Variants in KCNN3 observed in about 807,000 individuals in gnomAD.
KCNN3 encodes potassium calcium-activated channel subfamily N member 3.
A neutral mutation model predicts 62.9 loss-of-function variants in KCNN3; 16 were observed. The observed-to-expected ratio is 0.25, with a 90% CI of 0.17 to 0.39. KCNN3 has a LOEUF of 0.39. Among genes scored for constraint, KCNN3 ranks in the 10% least tolerant of loss-of-function variants. The pLI is 1.00. For synonymous variants in KCNN3, 370 were observed against 389.2 expected, an observed-to-expected ratio of 0.95 and a Z score of 0.58; for missense variants, 599 against 949.4, an observed-to-expected ratio of 0.63 and a Z score of 4.85.
At chr1:154,739,352 T>C (rs1700779483) in intron 3 of KCNN3, among the ~76,000 whole-genome samples, 1 of 152,214 alleles carries the variant, frequency 6.6e-6, no homozygotes, top group South Asian at 2.1e-4. Context: ...CTCCAACCTG[T>C]GGGATCTACT....
chr1:154,795,758 A>G (rs559273255), intron 2 of KCNN3, among the ~76,000 whole-genome samples: 1 of 152,306 alleles, frequency 6.6e-6, no homozygotes, highest in East Asian at 1.9e-4. Flanking sequence ...CAGCACTTGG[A>G]AGGAGGAGCA....
chr1:154,788,694 C>T (rs1186224788), intron 2 of KCNN3, among the ~76,000 whole-genome samples: 1 of 152,202 alleles, frequency 6.6e-6, no homozygotes, highest in East Asian at 1.9e-4. Context: ...AGCATCCACT[C>T]GCATCACCCC....
chr1:154,793,597 A>C (rs1045559388), intron 2 of KCNN3, among the ~76,000 whole-genome samples: 1 of 152,246 alleles, frequency 6.6e-6, no homozygotes, highest in African/African-American at 2.4e-5. Flanking sequence ...ATTTTTAAAA[A>C]CTCCAACAAA....
intron 2 of KCNN3, among the ~76,000 whole-genome samples, chr1:154,817,591 G>A (rs1459358093): frequency 6.6e-6 from 1 of 152,244 alleles, no homozygotes; most frequent in Non-Finnish European, 1.5e-5. Context: ...CAAACAGCAT[G>A]ATTTGCGCCA....
At chr1:154,825,096 C>G (rs1203072881) in intron 1 of KCNN3, among the ~76,000 whole-genome samples, 1 of 152,210 alleles carries the variant, frequency 6.6e-6, no homozygotes, top group Non-Finnish European at 1.5e-5. Flanking sequence ...TCTTTGCTGC[C>G]TGAACATCAG....
At position 154,870,044 on chromosome 1, in the gene KCNN3, G is replaced by T; in HGVS notation, c.-80C>A. ...CGCTCCAAAGATGTCCTCAAAGAAA[G>T]CCAGGCATCCAATCTCCCCCACCAG... On this transcript the variant is annotated 5_prime_UTR_variant, in exon 1 of 8. Transcript: ENST00000271915. 2.0e-6 allele frequency: 3 copies of T among 1,496,710 alleles called. No homozygotes were observed. Among genetic ancestry groups the T allele is most frequent in the Non-Finnish European group, 2.7e-6 (3 of 1,093,608 alleles). 92.7% of individuals were successfully genotyped at this position (1,496,710 alleles called of 1,614,324 possible).
At chr1:154,726,966 A>C (rs1255903130) in intron 4 of KCNN3, among the ~76,000 whole-genome samples, 1 of 152,222 alleles carries the variant, frequency 6.6e-6, no homozygotes, top group Non-Finnish European at 1.5e-5. Flanking sequence ...GGAAATAAGC[A>C]GGGAATTCCC....
intron 5 of KCNN3, among the ~76,000 whole-genome samples, chr1:154,721,993 G>A (rs1291140697): frequency 2.6e-5 from 4 of 151,886 alleles, no homozygotes; most frequent in South Asian, 2.1e-4. Context: ...TAAGTCATAC[G>A]AGGAAAGAAG....
chr1:154,834,648 A>T (rs1456183972), intron 1 of KCNN3, among the ~76,000 whole-genome samples: 3 of 152,162 alleles, frequency 2.0e-5, no homozygotes, highest in South Asian at 2.1e-4. Context: ...CTTACTGAGT[A>T]CCTGTTATAT....
intron 2 of KCNN3, among the ~76,000 whole-genome samples, chr1:154,819,195 T>C (rs1428061195): frequency 6.6e-6 from 1 of 152,166 alleles, no homozygotes; most frequent in Non-Finnish European, 1.5e-5. Flanking sequence ...CTTCCTCCAC[T>C]CGCAGGAAGC....
At chr1:154,763,462 GAAC>G (rs1478250262) in intron 3 of KCNN3, among the ~76,000 whole-genome samples, 1 of 152,034 alleles carries the variant, frequency 6.6e-6, no homozygotes, top group African/African-American at 2.4e-5. Flanking sequence ...CTACTGGCTC[GAAC>G]TCCTAGGCTC....
chr1:154,732,956 C>T (rs746439588), intron 4 of KCNN3, 47 bp downstream of exon 4: 2 of 1,611,960 alleles, frequency 1.2e-6, no homozygotes, highest in East Asian at 4.5e-5. Flanking sequence ...GAGTTCAGCT[C>T]TTTGCCACAT....
chr1:154,788,385 G>A (rs1457639514), intron 2 of KCNN3, among the ~76,000 whole-genome samples: 1 of 152,224 alleles, frequency 6.6e-6, no homozygotes, highest in Non-Finnish European at 1.5e-5. Context: ...AGGCTCATTA[G>A]CATATTAAAG....
chr1:154,785,495 G>A (rs571279063), intron 2 of KCNN3, among the ~76,000 whole-genome samples: 6 of 152,142 alleles, frequency 3.9e-5, no homozygotes, highest in Admixed American at 2.0e-4. Flanking sequence ...TCCCAGTGGC[G>A]GGGGCAGCAC....
Position 154,715,013 on chromosome 1 carries a change from A to G in KCNN3, c.1702-10T>C. 1 of 1,613,582 alleles carries G rather than the reference A, an allele frequency of 6.2e-7. No individual in the cohort carries two copies. Among genetic ancestry groups the G allele is most frequent in the Non-Finnish European group, 8.5e-7 (1 of 1,179,620 alleles). ...CTGCAGCATTCTTGATCTAAGGAAG[A>G]ATAAATAAAGTAGGCTGCTATCAGG... is the stretch of plus-strand genomic sequence containing the variant. On this transcript the variant is annotated splice_polypyrimidine_tract_variant and intron_variant, in intron 5 of 7. Coordinates refer to ENST00000271915, the MANE Select transcript of KCNN3 (RefSeq NM_002249.6).
chr1:154,759,972 TTCTC>T (rs1491069859), intron 3 of KCNN3, among the ~76,000 whole-genome samples: 1 of 149,624 alleles, frequency 6.7e-6, no homozygotes, highest in East Asian at 1.9e-4. Context: ...TTATTTTATT[TTCTC>T]TCTCTCTCCC....
chr1:154,812,946 C>G (rs1217390776), intron 2 of KCNN3, among the ~76,000 whole-genome samples: 1 of 152,230 alleles, frequency 6.6e-6, no homozygotes, highest in Non-Finnish European at 1.5e-5. Context: ...CTCACAGCCA[C>G]TCTCCCGACA....
chr1:154,730,986 A>G (rs1700579998), intron 4 of KCNN3, among the ~76,000 whole-genome samples: 1 of 152,178 alleles, frequency 6.6e-6, no homozygotes. Flanking sequence ...TGCGGAGTCC[A>G]GGAACCAGGA....
At position 154,733,051 on chromosome 1, in the gene KCNN3, C is replaced by A. The variant is rs932772948; in HGVS notation, c.1542G>T (p.Val514=). 1 of 1,613,578 alleles carries A rather than the reference C, an allele frequency of 6.2e-7. No homozygotes were observed. Among genetic ancestry groups the A allele is most frequent in the Admixed American group, 1.7e-5 (1 of 60,000 alleles). Residue 514 remains valine, a synonymous_variant, in exon 4 of 8, where the codon GTG becomes GTT. Coordinates refer to ENST00000271915, the MANE Select transcript of KCNN3 (RefSeq NM_002249.6). ...TFLSIGYGDM[V]PHTYCGKGVC... is the part of the protein sequence containing the mutation. ...CACCTTTCCCACAGTATGTGTGGGG[C>A]ACCATGTCCCCATAACCAATGGAAA...
Sources: allele counts gnomAD v4.1 joint callset (sites outside exome capture counted in the v4.1 genomes callset), GRCh38; gene constraint gnomAD v4.1.1; transcripts MANE v1.5; gene names NCBI Gene and HGNC (gene_info 2026-07-23, HGNC 2026-07-21).